The following KANK4 variants were observed in gnomAD, a reference collection of about 807,000 sequenced individuals.
KANK4 encodes KN motif and ankyrin repeat domain-containing protein 4.
In KANK4, 50 loss-of-function variants were observed where a neutral mutation model predicts 80.8. The ratio of observed to expected loss-of-function variants is 0.62; its 90% CI spans 0.49 to 0.78. The LOEUF is 0.78. Among genes scored for constraint, KANK4 ranks in the 30% least tolerant of loss-of-function variants. KANK4 has a pLI of 0.00. For synonymous variants in KANK4, 465 were observed against 506.9 expected, an observed-to-expected ratio of 0.92 and a Z score of 1.11; for missense variants, 1,196 against 1,240.1, an observed-to-expected ratio of 0.96 and a Z score of 0.53.
intron 6 of KANK4, among the ~76,000 whole-genome samples, chr1:62,264,068 C>T (rs530333282): frequency 7.0e-4 from 106 of 152,274 alleles, no homozygotes; most frequent in African/African-American, 2.4e-3. Context: ...TGATTGCATA[C>T]TCATGCTGGG....
At chr1:62,317,640 T>C (rs376853786) in intron 1 of KANK4, among the ~76,000 whole-genome samples, 1 of 152,248 alleles carries the variant, frequency 6.6e-6, no homozygotes, top group African/African-American at 2.4e-5. Flanking sequence ...CACACGCGGC[T>C]ACTTCTGCCT....
chr1:62,312,084 T>C (rs1323778407), intron 1 of KANK4, among the ~76,000 whole-genome samples: 1 of 152,104 alleles, frequency 6.6e-6, no homozygotes, highest in Non-Finnish European at 1.5e-5. Flanking sequence ...TAAAATAAAA[T>C]GCATAGCTTG....
intron 4 of KANK4, 61 bp downstream of exon 4, chr1:62,271,417 A>C: frequency 8.9e-7 from 1 of 1,127,072 alleles, no homozygotes; most frequent in Non-Finnish European, 1.4e-6. Flanking sequence ...AAGAGAGTGC[A>C]AAGGACAATA....
chr1:62,254,973 T>A (rs961382010), intron 7 of KANK4, among the ~76,000 whole-genome samples: 11 of 133,662 alleles, frequency 8.2e-5, no homozygotes, highest in Non-Finnish European at 1.4e-4. Context: ...GCAACCTCCA[T>A]CTCCTGGGTT....
intron 9 of KANK4, among the ~76,000 whole-genome samples, chr1:62,243,856 T>C (rs1018929321): frequency 3.3e-5 from 5 of 152,188 alleles, no homozygotes; most frequent in Non-Finnish European, 7.3e-5. Context: ...CAGGGGTCAG[T>C]CGCCCTACTC....
intron 8 of KANK4, among the ~76,000 whole-genome samples, chr1:62,249,574 G>C (rs1428502490): frequency 7.0e-6 from 1 of 141,846 alleles, no homozygotes; most frequent in African/African-American, 2.6e-5. Flanking sequence ...ATGGAGTCTT[G>C]CTCTGTTGCC....
chr1:62,275,755 A>G (rs116459349), intron 2 of KANK4, among the ~76,000 whole-genome samples: 392 of 151,984 alleles, frequency 2.6e-3, no homozygotes, highest in African/African-American at 8.8e-3. Flanking sequence ...ACAAACACGA[A>G]ATTCACTTTC....
chr1:62,299,247 G>C (rs534960073), intron 1 of KANK4, among the ~76,000 whole-genome samples: 1 of 152,138 alleles, frequency 6.6e-6, no homozygotes, highest in South Asian at 2.1e-4. Context: ...TTTTTGTAAA[G>C]ACAGGCTCTC....
chr1:62,273,396 G>C lies in KANK4; in HGVS notation c.1708C>G (p.Leu570Val). Residue 570 changes from leucine to valine, a missense_variant, in exon 3 of 10, where the codon CTC (leucine) becomes GTC (valine). This residue lies in a region of KANK4 where 1,154 missense variants were observed against 1,179.6 expected (regional missense o/e 0.98). Transcript: ENST00000371153. ...IGQYVKKIQE[L>V]LQEQWNCLEH... Reference sequence around the variant, plus strand: ...AGGCAGTTCCACTGCTCCTGCAGGAGCTCCTGGATCTTCTTCACATACTGC... The same window carrying C: ...AGGCAGTTCCACTGCTCCTGCAGGACCTCCTGGATCTTCTTCACATACTGC... 6.2e-7 allele frequency: 1 copy of C among 1,607,558 alleles called. No individual in the cohort carries two copies. Among genetic ancestry groups the C allele is most frequent in the Non-Finnish European group, 8.5e-7 (1 of 1,175,618 alleles).
intron 1 of KANK4, among the ~76,000 whole-genome samples, chr1:62,295,322 T>C (rs1644354152): frequency 6.6e-6 from 1 of 152,160 alleles, no homozygotes; most frequent in Admixed American, 6.5e-5. Flanking sequence ...TTTTGTATTT[T>C]TAGTAGAGAC....
intron 1 of KANK4, among the ~76,000 whole-genome samples, chr1:62,285,454 C>A (rs1672543038): frequency 6.6e-6 from 1 of 152,214 alleles, no homozygotes; most frequent in Non-Finnish European, 1.5e-5. Flanking sequence ...TTTTCAAGCT[C>A]ATTTCTAACC....
At chr1:62,242,987 C>T (rs1260205678) in intron 9 of KANK4, among the ~76,000 whole-genome samples, 2 of 152,176 alleles carry the variant, frequency 1.3e-5, no homozygotes, top group African/African-American at 4.8e-5. Context: ...TGTGAATCAA[C>T]CCTGACCCAG....
intron 7 of KANK4, among the ~76,000 whole-genome samples, chr1:62,258,226 T>C (rs1671794961): frequency 6.6e-6 from 1 of 152,180 alleles, no homozygotes; most frequent in South Asian, 2.1e-4. Context: ...TACATGACAG[T>C]GTATATGTAT....
chr1:62,289,810 T>C (rs7520614), intron 1 of KANK4, among the ~76,000 whole-genome samples: 52,913 of 152,022 alleles, frequency 0.35, 10,637 homozygotes, highest in African/African-American at 0.55. Context: ...ACCTATTTTG[T>C]ATATTTAACA....
chr1:62,274,434 T>A lies in KANK4; in HGVS notation c.670A>T (p.Ile224Phe). Residue 224 changes from isoleucine (I) to phenylalanine (F), a missense_variant, in exon 3 of 10, where the codon ATT (isoleucine) becomes TTT (phenylalanine). Coordinates refer to ENST00000371153, the MANE Select transcript of KANK4 (RefSeq NM_181712.5). ...GCTCCCTCCTGGACCAGCTCTGGAA[T>A]CCGAGTTGATGCTCGTGGGCTGGAG... ...HSSSPRASTRIPELVQEGAEP... is the reference protein window; with the variant it reads ...HSSSPRASTRFPELVQEGAEP... 6.2e-7 allele frequency: 1 copy of A among 1,614,224 alleles called. No individual in the cohort carries two copies. Among genetic ancestry groups the A allele is most frequent in the Non-Finnish European group, 8.5e-7 (1 of 1,180,036 alleles).
At chr1:62,305,619 G>A (rs1247009979) in intron 1 of KANK4, among the ~76,000 whole-genome samples, 2 of 151,760 alleles carry the variant, frequency 1.3e-5, no homozygotes, top group African/African-American at 2.4e-5. Flanking sequence ...CCCTGCTTGA[G>A]ATTTTAATGT....
Position 62,297,582 on chromosome 1 carries a change from AG to A in KANK4, c.-70-15949del, listed in dbSNP as rs538612166. ...ATAGAAACAGAAAGAACCAGATAGA[AG>A]GATTTAGCAAAGGAACGAATCTAGC... On this transcript the variant is annotated intron_variant, in intron 1 of 9. Transcript: ENST00000371153. Among the ~76,000 whole-genome samples, 763 of 152,332 alleles carry A rather than the reference AG, an allele frequency of 5.0e-3. 3 individuals are homozygous for A. Among genetic ancestry groups the A allele is most frequent in the Non-Finnish European group, 7.4e-3 (503 of 68,034 alleles).
chr1:62,242,542 T>G (rs996027537), intron 9 of KANK4, among the ~76,000 whole-genome samples: 3 of 152,028 alleles, frequency 2.0e-5, no homozygotes, highest in African/African-American at 7.2e-5. Context: ...GTTTTCAATC[T>G]GATGGGTGCT....
chr1:62,303,262 G>A (rs1057305146), intron 1 of KANK4, among the ~76,000 whole-genome samples: 3 of 152,142 alleles, frequency 2.0e-5, no homozygotes, highest in South Asian at 4.2e-4. Context: ...TCAGAGAAAT[G>A]GGACAGTAAA....
Sources: gnomAD v4.1 joint callset for allele counts (sites outside exome capture counted in the v4.1 genomes callset) on GRCh38, gnomAD v4.1.1 for gene constraint, gnomAD v4.1.1 regional missense constraint, MANE v1.5 for transcripts, NCBI Gene and HGNC (gene_info 2026-07-23, HGNC 2026-07-21) for gene names.